ASAP1: variants seen among roughly 807,000 people sequenced by gnomAD.
ASAP1 encodes ArfGAP with SH3 domain, ankyrin repeat and PH domain 1.
Under a neutral mutation model 145.2 loss-of-function variants are expected in ASAP1, and 43 were observed. The observed-to-expected ratio is 0.30, with a 90% CI of 0.23 to 0.38. The LOEUF is 0.38. ASAP1 is among the 10% of genes least tolerant of loss of function. The pLI, the probability that ASAP1 is intolerant of heterozygous loss-of-function variation, is 1.00. For synonymous variants in ASAP1, 546 were observed against 515.5 expected (o/e 1.06, Z -0.80); for missense variants, 1,018 against 1,355.3 (o/e 0.75, Z 3.91).
intron 3 of ASAP1, among the ~76,000 whole-genome samples, chr8:130,279,334 T>A (rs1821116359): frequency 6.6e-6 from 1 of 152,054 alleles, no homozygotes; most frequent in African/African-American, 2.4e-5. Flanking sequence ...GAAATCTGCT[T>A]CTCTGCCAGA....
intron 5 of ASAP1, among the ~76,000 whole-genome samples, chr8:130,193,008 T>C (rs1428121413): frequency 6.6e-6 from 1 of 152,122 alleles, no homozygotes. Flanking sequence ...TTTGAAAATA[T>C]CTCCAAGATA....
At chr8:130,262,546 T>C (rs1198637271) in intron 3 of ASAP1, among the ~76,000 whole-genome samples, 1 of 151,518 alleles carries the variant, frequency 6.6e-6, no homozygotes, top group African/African-American at 2.4e-5. Flanking sequence ...AATTATCAAG[T>C]ATGAAGAAAG....
intron 13 of ASAP1, among the ~76,000 whole-genome samples, chr8:130,150,636 T>A (rs569079269): frequency 4.6e-4 from 70 of 152,110 alleles, no homozygotes; most frequent in Non-Finnish European, 7.9e-4. Context: ...CCCAGCACTT[T>A]GGGAGGCCGA....
intron 24 of ASAP1, among the ~76,000 whole-genome samples, chr8:130,107,215 C>T (rs2097538438): frequency 7.3e-6 from 1 of 136,640 alleles, no homozygotes; most frequent in African/African-American, 2.7e-5. Flanking sequence ...CGGAGTCTCA[C>T]CCTGTGGCCC....
At chr8:130,090,143 TTGAG>T (rs1453190353) in intron 25 of ASAP1, among the ~76,000 whole-genome samples, 1 of 152,156 alleles carries the variant, frequency 6.6e-6, no homozygotes, top group Admixed American at 6.5e-5. Context: ...AGTCTTGCTC[TTGAG>T]TGATGTGAAA....
chr8:130,405,093 A>C (rs1828965612), intron 1 of ASAP1, among the ~76,000 whole-genome samples: 1 of 152,098 alleles, frequency 6.6e-6, no homozygotes, highest in Non-Finnish European at 1.5e-5. Flanking sequence ...GCTACTCAGA[A>C]AAAACTGCCT....
At chr8:130,127,456 A>T (rs1027005423) in intron 16 of ASAP1, among the ~76,000 whole-genome samples, 1 of 152,098 alleles carries the variant, frequency 6.6e-6, no homozygotes, top group Non-Finnish European at 1.5e-5. Context: ...ACCTCAAGTG[A>T]TCCGCCCGCC....
intron 13 of ASAP1, among the ~76,000 whole-genome samples, chr8:130,142,592 G>C (rs1245241906): frequency 1.3e-5 from 2 of 152,160 alleles, no homozygotes; most frequent in African/African-American, 2.4e-5. Flanking sequence ...GGAGCCCAGG[G>C]ACCTGAGCTC....
chr8:130,346,613 C>T (rs1825718348), intron 3 of ASAP1, among the ~76,000 whole-genome samples: 1 of 152,158 alleles, frequency 6.6e-6, no homozygotes, highest in African/African-American at 2.4e-5. Context: ...GCACAGTTCC[C>T]GGCATAGAGT....
chr8:130,225,642 A>G (rs190681204), intron 4 of ASAP1, among the ~76,000 whole-genome samples: 1 of 152,362 alleles, frequency 6.6e-6, no homozygotes, highest in Non-Finnish European at 1.5e-5. Context: ...GGAGTGGGTT[A>G]GGTTTCATAA....
At chr8:130,415,351 C>T (rs537012504) in intron 1 of ASAP1, among the ~76,000 whole-genome samples, 2 of 151,326 alleles carry the variant, frequency 1.3e-5, no homozygotes, top group East Asian at 3.9e-4. Context: ...ACCTATAGTC[C>T]CAGCTACTCT....
At chr8:130,157,271 T>A (rs2097659955) in intron 12 of ASAP1, among the ~76,000 whole-genome samples, 1 of 152,196 alleles carries the variant, frequency 6.6e-6, no homozygotes, top group Non-Finnish European at 1.5e-5. Context: ...TCTTTTCTCC[T>A]TTTACTTTCA....
In ASAP1 at chr8:130,167,438, T is replaced by G. The variant is rs759797168; in HGVS notation, c.909+98A>C. 14 of 951,228 alleles carry G rather than the reference T, an allele frequency of 1.5e-5. No homozygotes were observed. In the East Asian group the frequency reaches 3.3e-4, roughly 23 times the overall value. 58.9% of individuals were successfully genotyped at this position (951,228 alleles called of 1,614,324 possible). A position where few individuals can be genotyped will look rare whatever the true frequency, so the allele number is the denominator to read the frequency against. Reference sequence around the variant, plus strand: ...GGTAGGTACATACTTGCATATTATATATCACTGTGCCTGTCTTGCAGATCA... The same window carrying G: ...GGTAGGTACATACTTGCATATTATAGATCACTGTGCCTGTCTTGCAGATCA... On this transcript the variant is annotated intron_variant, in intron 11 of 29. Coordinates refer to ENST00000518721, the MANE Select transcript of ASAP1 (RefSeq NM_018482.4).
chr8:130,351,804 A>G (rs1348341853), intron 3 of ASAP1, among the ~76,000 whole-genome samples: 14 of 152,210 alleles, frequency 9.2e-5, no homozygotes, highest in Non-Finnish European at 1.5e-5. Context: ...CACCTCCGAC[A>G]CTGGGGACTA....
intron 5 of ASAP1, among the ~76,000 whole-genome samples, chr8:130,208,346 A>G (rs531444232): frequency 1.3e-5 from 2 of 152,308 alleles, no homozygotes; most frequent in Non-Finnish European, 2.9e-5. Context: ...ATAGATAACT[A>G]CAACAATCAC....
At chr8:130,118,851 AAT>A (rs1404360023) in intron 18 of ASAP1, 176 bp from the exon 19 acceptor site, 9 of 404,984 alleles carry the variant, frequency 2.2e-5, no homozygotes, top group African/African-American at 1.8e-4. Context: ...TAAAGAAAAT[AAT>A]ATATGTTTAC....
intron 15 of ASAP1, among the ~76,000 whole-genome samples, chr8:130,131,425 TC>T (rs1034303746): frequency 2.0e-5 from 3 of 151,880 alleles, no homozygotes; most frequent in Non-Finnish European, 4.4e-5. Context: ...TGCCATTACC[TC>T]CTACAGCACT....
rs148007621 is a variant in ASAP1 at position 130,344,867 on chromosome 8, A to G, written c.186+13150T>C. Among the ~76,000 whole-genome samples the G allele has an allele frequency of 2.4e-3, 369 of 152,342 alleles. 5 individuals carry two copies. Among genetic ancestry groups the G allele is most frequent in the Non-Finnish European group, 1.1e-3 (72 of 68,024 alleles). The stretch of plus-strand genomic sequence containing the variant: ...GGTATGGGGGAGGTGGGGAGGAAGG[A>G]GAATCTAATAATGCAAAGTATCATG... On this transcript the variant is annotated intron_variant, in intron 3 of 29. Coordinates refer to ENST00000518721, the MANE Select transcript of ASAP1 (RefSeq NM_018482.4).
rs1313791492 is a variant in ASAP1 at position 130,112,147 on chromosome 8, G to A, written c.2348C>T (p.Pro783Leu). Residue 783 changes from proline to leucine, a missense_variant, in exon 24 of 30, where the codon CCC (proline) becomes CTC (leucine). By Grantham distance (98) the Pro-to-Leu change is moderately conservative. This residue lies in a region of ASAP1 where 353 missense variants were observed against 375.4 expected (regional missense o/e 0.94). Coordinates refer to ENST00000518721, the MANE Select transcript of ASAP1 (RefSeq NM_018482.4). ...QIFVSTSTDS[P>L]TSPTTEAPPL... ...GGGAGCCTCCGTGGTTGGTGATGTG[G>A]GCGAGTCTGTGCTTGTGGAAACGAA... 1 of 1,614,010 alleles carries A rather than the reference G, an allele frequency of 6.2e-7. No homozygotes were observed. The highest frequency in any genetic ancestry group is 8.5e-7 in the Non-Finnish European group (1 of 1,180,038).
Sources: allele counts gnomAD v4.1 joint callset (sites outside exome capture counted in the v4.1 genomes callset), GRCh38; gene constraint gnomAD v4.1.1; regional missense constraint gnomAD v4.1.1; transcripts MANE v1.5; gene names NCBI Gene and HGNC (gene_info 2026-07-23, HGNC 2026-07-21).